The following EPHA6 variants were observed in gnomAD, a reference collection of about 807,000 sequenced individuals.
EPHA6 encodes EPH receptor A6.
In EPHA6, 50 loss-of-function variants were observed where a neutral mutation model predicts 112.0. The ratio of observed to expected loss-of-function variants is 0.45; its 90% CI spans 0.36 to 0.56. The LOEUF is 0.56. Among genes scored for constraint, EPHA6 ranks in the 20% least tolerant of loss-of-function variants. EPHA6 has a pLI of 0.00. For missense variants in EPHA6, 1,280 were observed against 1,417.4 expected (o/e 0.90, Z 1.56); for synonymous variants, 529 against 490.7 (o/e 1.08, Z -1.03).
chr3:97,250,485 C>G (rs981619257), intron 5 of EPHA6, among the ~76,000 whole-genome samples: 1 of 152,056 alleles, frequency 6.6e-6, no homozygotes, highest in South Asian at 2.1e-4. Flanking sequence ...TTTGGTGCCT[C>G]TATTACTATA....
rs140041757 is a variant in EPHA6 at position 97,406,208 on chromosome 3, T to G, written c.1731+934T>G. Among the ~76,000 whole-genome samples, 929 of 152,294 alleles carry G rather than the reference T, an allele frequency of 6.1e-3. 12 individuals carry two copies. Among genetic ancestry groups the G allele is most frequent in the African/African-American group, 0.021 (855 of 41,570 alleles). Reference sequence around the variant, plus strand: ...GAGGGCAAGAGGAGAAATAGAACTCTACTTTCTTAGTTTATTTTGTCTGCT... The same window carrying G: ...GAGGGCAAGAGGAGAAATAGAACTCGACTTTCTTAGTTTATTTTGTCTGCT... On this transcript the variant is annotated intron_variant, in intron 6 of 17. Coordinates refer to ENST00000389672, the MANE Select transcript of EPHA6 (RefSeq NM_001080448.3).
intron 5 of EPHA6, among the ~76,000 whole-genome samples, chr3:97,310,394 A>C (rs977810171): frequency 6.6e-6 from 1 of 151,594 alleles, no homozygotes; most frequent in Non-Finnish European, 1.5e-5. Context: ...AAAGAGACTG[A>C]GATGAAAATG....
intron 14 of EPHA6, among the ~76,000 whole-genome samples, chr3:97,690,312 T>C (rs1465145560): frequency 2.0e-5 from 3 of 152,234 alleles, no homozygotes; most frequent in Non-Finnish European, 4.4e-5. Flanking sequence ...ACACCTGTTG[T>C]TGTCTATCTT....
chr3:97,222,868 A>G (rs1231329198), intron 3 of EPHA6, among the ~76,000 whole-genome samples: 1 of 152,238 alleles, frequency 6.6e-6, no homozygotes, highest in African/African-American at 2.4e-5. Context: ...ACCAAGGCTA[A>G]CTAATGCGGA....
intron 14 of EPHA6, among the ~76,000 whole-genome samples, chr3:97,679,704 A>G (rs35801223): frequency 0.025 from 3,749 of 152,278 alleles, 69 homozygotes; most frequent in South Asian, 0.07. Flanking sequence ...TGGCATGTAC[A>G]TAGCAGGATC....
intron 3 of EPHA6, among the ~76,000 whole-genome samples, chr3:97,162,246 G>A (rs368213529): frequency 8.7e-4 from 132 of 152,266 alleles, no homozygotes; most frequent in African/African-American, 2.8e-3. Flanking sequence ...CTCTGGGAAT[G>A]TAGTATTGCT....
intron 10 of EPHA6, among the ~76,000 whole-genome samples, chr3:97,491,023 G>A (rs544652724): frequency 6.6e-6 from 1 of 152,300 alleles, no homozygotes; most frequent in South Asian, 2.1e-4. Context: ...CATCTCCAAC[G>A]TGGCAGCTTG....
rs778621362 is a variant in EPHA6, at chr3:97,150,368, T to C, written c.1115-75896T>C. Among the ~76,000 whole-genome samples, 3 of 152,228 alleles carry C rather than the reference T, an allele frequency of 2.0e-5. No homozygotes were observed. In the East Asian group the frequency reaches 5.8e-4, roughly 29 times the overall value. ...AGCTAACAGCCTTTTACAAAAGAGA[T>C]AGTGTCTTCCTGTAGAGTAAAGGAC... is the stretch of plus-strand genomic sequence containing the variant. On this transcript the variant is annotated intron_variant, in intron 3 of 17. Transcript: ENST00000389672.
At chr3:97,284,401 C>G (rs1297582230) in intron 5 of EPHA6, among the ~76,000 whole-genome samples, 10 of 152,058 alleles carry the variant, frequency 6.6e-5, no homozygotes, top group Admixed American at 5.2e-4. Flanking sequence ...TTCCAATTTT[C>G]GATCTTATTC....
intron 3 of EPHA6, among the ~76,000 whole-genome samples, chr3:97,210,220 TTTAA>T (rs1411179305): frequency 6.6e-6 from 1 of 152,094 alleles, no homozygotes; most frequent in Non-Finnish European, 1.5e-5. Flanking sequence ...AGAAAAAATG[TTTAA>T]TTGACTCCCA....
chr3:97,485,842 A>G (rs904327685), intron 10 of EPHA6, among the ~76,000 whole-genome samples: 4 of 152,200 alleles, frequency 2.6e-5, no homozygotes, highest in African/African-American at 4.8e-5. Context: ...TGAAAAACTG[A>G]TATGTCTTTT....
chr3:97,041,854 G>A (rs1247053966), intron 3 of EPHA6, among the ~76,000 whole-genome samples: 2 of 151,936 alleles, frequency 1.3e-5, no homozygotes, highest in Admixed American at 6.6e-5. Context: ...ACTATCATGC[G>A]AACAGCAAGG....
chr3:96,868,072 A>G (rs1328268585), intron 2 of EPHA6, among the ~76,000 whole-genome samples: 1 of 151,830 alleles, frequency 6.6e-6, no homozygotes, highest in Admixed American at 6.6e-5. Context: ...ATGAATAAAC[A>G]TTCGTATTGT....
chr3:97,000,292 CATAT>C lies in EPHA6; in HGVS notation c.1114+12305_1114+12308del, dbSNP rs1026183123. Among the ~76,000 whole-genome samples the C allele has an allele frequency of 4.7e-5, 7 of 148,010 alleles. No individual in the cohort carries two copies. In the South Asian group the frequency reaches 8.6e-4, roughly 18 times the overall value. On this transcript the variant is annotated intron_variant, in intron 3 of 17. Coordinates refer to ENST00000389672, the MANE Select transcript of EPHA6 (RefSeq NM_001080448.3). Reference sequence around the variant, plus strand: ...ACACACACACACACACACACACACACATATATATAGCCATATATAGCCACTCATA... The same window carrying C: ...ACACACACACACACACACACACACACATATAGCCATATATAGCCACTCATA...
At chr3:97,202,057 A>G (rs967160259) in intron 3 of EPHA6, among the ~76,000 whole-genome samples, 1 of 152,090 alleles carries the variant, frequency 6.6e-6, no homozygotes, top group Admixed American at 6.6e-5. Context: ...AGCCTTGAGG[A>G]GATAACAGAG....
At chr3:97,548,001 C>T (rs1303893167) in intron 11 of EPHA6, among the ~76,000 whole-genome samples, 1 of 152,192 alleles carries the variant, frequency 6.6e-6, no homozygotes, top group Non-Finnish European at 1.5e-5. Context: ...AATTCCCTGA[C>T]CCCTTGTGCT....
chr3:97,112,870 G>A (rs777499202), intron 3 of EPHA6, among the ~76,000 whole-genome samples: 28 of 152,080 alleles, frequency 1.8e-4, no homozygotes, highest in Non-Finnish European at 3.2e-4. Context: ...TAAGTGATAG[G>A]ATAGTCTCTA....
At chr3:97,103,286 A>C (rs545046177) in intron 3 of EPHA6, among the ~76,000 whole-genome samples, 53 of 152,220 alleles carry the variant, frequency 3.5e-4, no homozygotes, top group African/African-American at 1.0e-3. Context: ...TTTTACATTA[A>C]AGTCTTTAAT....
chr3:97,604,211 G>C (rs774121559), intron 12 of EPHA6, among the ~76,000 whole-genome samples: 1 of 151,746 alleles, frequency 6.6e-6, no homozygotes, highest in African/African-American at 2.4e-5. Context: ...GAGACAGTGA[G>C]TTGAAAAGTG....
Sources: allele counts gnomAD v4.1 joint callset (sites outside exome capture counted in the v4.1 genomes callset), GRCh38; gene constraint gnomAD v4.1.1; transcripts MANE v1.5; gene names NCBI Gene and HGNC (gene_info 2026-07-23, HGNC 2026-07-21).